Variants in SUGP2 observed in about 807,000 individuals in gnomAD.
SUGP2 encodes SURP and G-patch domain-containing protein 2.
SUGP2 carries 24 observed loss-of-function variants against 90.5 expected under a neutral mutation model. That is an observed-to-expected ratio of 0.27 (90% CI 0.19 to 0.37). SUGP2 has a LOEUF of 0.37. Among genes scored for constraint, SUGP2 ranks in the 10% least tolerant of loss-of-function variants. The pLI is 1.00. For synonymous variants in SUGP2, 473 were observed against 513.4 expected, an observed-to-expected ratio of 0.92 and a Z score of 1.06; for missense variants, 1,233 against 1,363.3, an observed-to-expected ratio of 0.90 and a Z score of 1.51.
chr19:19,018,417 G>A (rs1001320998), intron 4 of SUGP2, among the ~76,000 whole-genome samples: 1 of 151,750 alleles, frequency 6.6e-6, no homozygotes, highest in Non-Finnish European at 1.5e-5. Context: ...GCCGGGCGCG[G>A]TGGCTCACGC....
At chr19:19,010,389 A>G (rs1480941755) in intron 4 of SUGP2, 47 bp from the exon 5 acceptor site, 8 of 1,583,132 alleles carry the variant, frequency 5.1e-6, no homozygotes, top group Non-Finnish European at 6.0e-6. Flanking sequence ...AAACACCACC[A>G]GGTCCCAAAT....
Position 19,004,220 on chromosome 19 carries a change from C to A in SUGP2, c.2877G>T (p.Lys959Asn). 6.2e-7 allele frequency: 1 copy of A among 1,601,540 alleles called. No individual in the cohort carries two copies. The highest frequency in any genetic ancestry group is 8.5e-7 in the Non-Finnish European group (1 of 1,172,820). ...PRKRISSKSL[K>N]VGMIPAPKRV... ...TCTTGGGAGCTGGAATCATGCCAAC[C>A]TTCAATGACTTGCTGCTGATCCTCT... Residue 959 changes from lysine to asparagine, a missense_variant, in exon 7 of 11, where the codon AAG becomes AAT. Coordinates refer to ENST00000452918, the MANE Select transcript of SUGP2 (RefSeq NM_001017392.5).
In SUGP2 at chr19:19,004,506, G is replaced by A. The variant is rs2057980832; in HGVS notation, c.2591C>T (p.Pro864Leu). 1 of 1,614,104 alleles carries A rather than the reference G, an allele frequency of 6.2e-7. No homozygotes were observed. Among genetic ancestry groups the A allele is most frequent in the African/African-American group, 1.3e-5 (1 of 74,936 alleles). The change falls in exon 7 of 11, where the codon CCC (proline) becomes CTC (leucine). Residue 864 changes from proline (P) to leucine (L), a missense_variant. Physicochemically the swap from Pro to Leu is moderately conservative, Grantham distance 98. Around this residue, in one of 8 missense-constraint regions of SUGP2, gnomAD observed 540 missense variants for 542.6 expected, o/e 1.00. Coordinates refer to ENST00000452918, the MANE Select transcript of SUGP2 (RefSeq NM_001017392.5). ...TGCTTCCCCTTCCATGAGGTCCACG[G>A]GGCTCTCCTGAGAACCCGTGGTGTC... ...GGDTTGSQESPVDLMEGEAEF... is the reference protein window; with the variant it reads ...GGDTTGSQESLVDLMEGEAEF...
Position 19,019,170 on chromosome 19 carries a change from C to A in SUGP2, c.1789G>T (p.Val597Phe). ...TTGGGAGACAGGCTGCCTTCGATGA[C>A]ACGTTTCACAAGCTGGTCGATGGTG... The part of the protein sequence containing the change: ...VGTIDQLVKR[V>F]IEGSLSPKER... The change falls in exon 4 of 11, where the codon GTC (valine) becomes TTC (phenylalanine). Residue 597 changes from valine (V) to phenylalanine (F), a missense_variant. Val to Phe is a conservative substitution (Grantham distance 50). This residue lies in a region of SUGP2 where 540 missense variants were observed against 542.6 expected (regional missense o/e 1.00). Coordinates refer to ENST00000452918, the MANE Select transcript of SUGP2 (RefSeq NM_001017392.5). The A allele has an allele frequency of 6.2e-7, 1 of 1,614,156 alleles. No homozygotes were observed. Among genetic ancestry groups the A allele is most frequent in the East Asian group, 2.2e-5 (1 of 44,886 alleles).
At chr19:19,032,746 T>C (rs1447455051) in intron 1 of SUGP2, among the ~76,000 whole-genome samples, 1 of 152,118 alleles carries the variant, frequency 6.6e-6, no homozygotes, top group African/African-American at 2.4e-5. Context: ...AAAAGGGTAT[T>C]CGTGCATCCA....
chr19:19,030,215 C>A (rs1035265080), intron 2 of SUGP2, among the ~76,000 whole-genome samples: 4 of 151,952 alleles, frequency 2.6e-5, no homozygotes, highest in Non-Finnish European at 4.4e-5. Context: ...CTGGGCTGGG[C>A]TCGGTGGCTC....
Position 19,004,483 on chromosome 19 carries a change from C to T in SUGP2, c.2614G>A (p.Ala872Thr), listed in dbSNP as rs1268540465. 2 of 1,614,122 alleles carry T rather than the reference C, an allele frequency of 1.2e-6. No homozygotes were observed. Among genetic ancestry groups the T allele is most frequent in the Non-Finnish European group, 1.7e-6 (2 of 1,180,048 alleles). The stretch of plus-strand genomic sequence containing the variant: ...GGAGGGGGCTCGTCTTCAAACTCTG[C>T]TTCCCCTTCCATGAGGTCCACGGGG... ...ESPVDLMEGEAEFEDEPPPRE... is the reference protein window; with the variant it reads ...ESPVDLMEGETEFEDEPPPRE... The change falls in exon 7 of 11, where the codon GCA (alanine) becomes ACA (threonine). Residue 872 changes from alanine to threonine, a missense_variant. This residue lies in a region of SUGP2 where 540 missense variants were observed against 542.6 expected (regional missense o/e 1.00). Transcript: ENST00000452918.
chr19:19,010,455 G>T, intron 4 of SUGP2, 113 bp from the exon 5 acceptor site: 1 of 1,400,990 alleles, frequency 7.1e-7, no homozygotes, highest in Non-Finnish European at 9.7e-7. Flanking sequence ...GTCCTCTCCT[G>T]TCTCAGAGGC....
intron 3 of SUGP2, among the ~76,000 whole-genome samples, chr19:19,024,405 C>T (rs1001558086): frequency 1.3e-5 from 2 of 152,194 alleles, no homozygotes; most frequent in Admixed American, 6.5e-5. Context: ...CCACCACACC[C>T]GGCTGTCTAA....
At chr19:18,996,520 G>C (rs1323067631) in intron 8 of SUGP2, among the ~76,000 whole-genome samples, 1 of 152,036 alleles carries the variant, frequency 6.6e-6, no homozygotes, top group Non-Finnish European at 1.5e-5. Context: ...CCATTAACTG[G>C]AACTATAGGT....
intron 3 of SUGP2, among the ~76,000 whole-genome samples, chr19:19,021,645 A>G (rs2058732488): frequency 6.6e-6 from 1 of 152,022 alleles, no homozygotes; most frequent in Admixed American, 6.6e-5. Flanking sequence ...TAACCAAAGC[A>G]TTCAACCAAA....
At position 19,024,082 on chromosome 19, in the gene SUGP2, C is replaced by T. The variant is rs1432698261; in HGVS notation, c.1729+537G>A. On this transcript the variant is annotated intron_variant, in intron 3 of 10. Coordinates refer to ENST00000452918, the MANE Select transcript of SUGP2 (RefSeq NM_001017392.5). Reference sequence around the variant, plus strand: ...TGGCCACAGCTTTCTACCAAATTCCCAGAGAGGTATTTGACCTAAAAATGT... The same window carrying T: ...TGGCCACAGCTTTCTACCAAATTCCTAGAGAGGTATTTGACCTAAAAATGT... Among the ~76,000 whole-genome samples, 4 of 152,124 alleles carry T rather than the reference C, an allele frequency of 2.6e-5. No homozygotes were observed. In the East Asian group the frequency reaches 7.7e-4, roughly 29 times the overall value.
chr19:19,015,648 C>T (rs894894620), intron 4 of SUGP2, among the ~76,000 whole-genome samples: 1 of 152,024 alleles, frequency 6.6e-6, no homozygotes, highest in Non-Finnish European at 1.5e-5. Context: ...GGATTACAGG[C>T]GCCTGTCACC....
chr19:19,024,913 A>T lies in SUGP2; in HGVS notation c.1435T>A (p.Ser479Thr). Residue 479 changes from serine to threonine, a missense_variant, in exon 3 of 11, where the codon TCT becomes ACT. Ser to Thr is a moderately conservative substitution (Grantham distance 58). This residue lies in a region of SUGP2 where 59 missense variants were observed against 92.6 expected (regional missense o/e 0.64). Coordinates refer to ENST00000452918, the MANE Select transcript of SUGP2 (RefSeq NM_001017392.5). ...LETTNSLCRK[S>T]LALLGQTFSL... ...AATGTCTGTCCCAAAAGGGCCAAAG[A>T]CTTCCGGCAGAGAGAGTTGGTGGTT... The T allele has an allele frequency of 1.2e-6, 2 of 1,614,184 alleles. No individual in the cohort carries two copies. Among genetic ancestry groups the T allele is most frequent in the Non-Finnish European group, 1.7e-6 (2 of 1,180,038 alleles).
In SUGP2 at chr19:18,995,259, C is replaced by T. The variant is rs1003803618; in HGVS notation, c.3013G>A (p.Ala1005Thr). The T allele has an allele frequency of 8.7e-6, 14 of 1,610,282 alleles. No homozygotes were observed. Among genetic ancestry groups the T allele is most frequent in the African/African-American group, 8.0e-5 (6 of 74,822 alleles). ...KKKKPKDLDF[A>T]QQKLTDKNLG... ...TTCTTATCGGTCAGCTTCTGCTGGGCGAAGTCCAAGTCCTTGGGTTTCTGA... is the reference window on the plus strand; with the variant it reads ...TTCTTATCGGTCAGCTTCTGCTGGGTGAAGTCCAAGTCCTTGGGTTTCTGA... The change falls in exon 9 of 11, where the codon GCC (alanine) becomes ACC (threonine). Residue 1005 changes from alanine (A) to threonine (T), a missense_variant. Physicochemically the swap from Ala to Thr is moderately conservative, Grantham distance 58. Coordinates refer to ENST00000452918, the MANE Select transcript of SUGP2 (RefSeq NM_001017392.5).
At chr19:19,032,082 T>C (rs537784572) in intron 1 of SUGP2, among the ~76,000 whole-genome samples, 1 of 151,878 alleles carries the variant, frequency 6.6e-6, no homozygotes, top group Non-Finnish European at 1.5e-5. Context: ...CCAACACACA[T>C]AACTGAGCAT....
intron 4 of SUGP2, among the ~76,000 whole-genome samples, chr19:19,012,856 T>C (rs2058356607): frequency 6.6e-6 from 1 of 152,232 alleles, no homozygotes; most frequent in Non-Finnish European, 1.5e-5. Context: ...ATCATGGTTT[T>C]GGACTTAAAT....
chr19:19,013,964 T>C (rs939100117), intron 4 of SUGP2, among the ~76,000 whole-genome samples: 16 of 152,216 alleles, frequency 1.1e-4, no homozygotes, highest in Admixed American at 9.2e-4. Context: ...AGTAAAGCCA[T>C]AGTGGATGTG....
chr19:19,004,582 G>A lies in SUGP2; in HGVS notation c.2515C>T (p.Pro839Ser). ...FYRKKVFELC[P>S]SICFTSSPHN... ...GGAGATGACGTGAAACAAATTGATG[G>A]ACATAGTTCAAACACTTTCTTTCGA... Residue 839 changes from proline to serine, a missense_variant, in exon 7 of 11, where the codon CCA becomes TCA. Physicochemically the swap from Pro to Ser is moderately conservative, Grantham distance 74 (BLOSUM62 -1). This residue lies in a region of SUGP2 where 540 missense variants were observed against 542.6 expected (regional missense o/e 1.00). Coordinates refer to ENST00000452918, the MANE Select transcript of SUGP2 (RefSeq NM_001017392.5). The A allele has an allele frequency of 6.2e-7, 1 of 1,614,192 alleles. No homozygotes were observed. The highest frequency in any genetic ancestry group is 8.5e-7 in the Non-Finnish European group (1 of 1,180,024).
Sources: allele counts gnomAD v4.1 joint callset (sites outside exome capture counted in the v4.1 genomes callset), GRCh38; gene constraint gnomAD v4.1.1; regional missense constraint gnomAD v4.1.1; transcripts MANE v1.5; gene names NCBI Gene and HGNC (gene_info 2026-07-23, HGNC 2026-07-21).